PRTG: variants seen among roughly 807,000 people sequenced by gnomAD.
PRTG encodes the protein protogenin.
Under a neutral mutation model 122.5 loss-of-function variants are expected in PRTG, and 67 were observed. That is an observed-to-expected ratio of 0.55 (90% CI 0.45 to 0.67). The LOEUF is 0.67. Ranked by LOEUF, PRTG falls within the 30% of genes least tolerant of loss-of-function variation. The pLI, the probability that PRTG is intolerant of heterozygous loss-of-function variation, is 0.00. For synonymous variants in PRTG, 554 were observed against 501.1 expected, an observed-to-expected ratio of 1.11 and a Z score of -1.41; for missense variants, 1,435 against 1,415.4, an observed-to-expected ratio of 1.01 and a Z score of -0.22.
rs1434528701 is a variant in PRTG at position 55,622,476 on chromosome 15, C to T, written c.3094-1709G>A. Among the ~76,000 whole-genome samples, 3 of 151,092 alleles carry T rather than the reference C, an allele frequency of 2.0e-5. No homozygotes were observed. In the South Asian group the frequency reaches 6.3e-4, roughly 32 times the overall value. ...TCAGCTCACTGCAAGCTCTGCCTCC[C>T]GGGTTCACACCATTCTTCTGCCTCA... On this transcript the variant is annotated intron_variant, in intron 18 of 19. Transcript: ENST00000389286.
At chr15:55,725,553 G>GCTA (rs1218937865) in intron 2 of PRTG, among the ~76,000 whole-genome samples, 2 of 151,502 alleles carry the variant, frequency 1.3e-5, no homozygotes, top group Non-Finnish European at 2.9e-5. Flanking sequence ...CCGTGATCGT[G>GCTA]CTACTGCCCT....
intron 2 of PRTG, among the ~76,000 whole-genome samples, chr15:55,725,723 T>C (rs2031006405): frequency 6.6e-6 from 1 of 152,116 alleles, no homozygotes; most frequent in Non-Finnish European, 1.5e-5. Flanking sequence ...GTTGACAAAA[T>C]GGATTTTTAA....
Position 55,683,026 on chromosome 15 carries a change from T to C in PRTG, c.543-529A>G, listed in dbSNP as rs866132871. Among the ~76,000 whole-genome samples the C allele has an allele frequency of 3.9e-5, 6 of 152,338 alleles. No individual in the cohort carries two copies. The South Asian group carries it at 8.3e-4, about 21-fold the overall frequency. ...AAAACATAAACAATCCAGCATGATA[T>C]GGTTTGTGCAATCTATCAGTCGAAT... On this transcript the variant is annotated intron_variant, in intron 3 of 19. Coordinates refer to ENST00000389286, the MANE Select transcript of PRTG (RefSeq NM_173814.6).
intron 2 of PRTG, among the ~76,000 whole-genome samples, chr15:55,688,263 T>C (rs1258332022): frequency 1.4e-4 from 21 of 152,192 alleles, no homozygotes; most frequent in Non-Finnish European, 3.1e-4. Context: ...TCTATGATAC[T>C]ACATGCTCCT....
chr15:55,706,720 C>T (rs2030139497), intron 2 of PRTG, among the ~76,000 whole-genome samples: 1 of 151,852 alleles, frequency 6.6e-6, no homozygotes, highest in Non-Finnish European at 1.5e-5. Context: ...GAGCCATGCA[C>T]ATGCCACTGC....
At chr15:55,726,577 A>G (rs1256205818) in intron 2 of PRTG, among the ~76,000 whole-genome samples, 5 of 151,318 alleles carry the variant, frequency 3.3e-5, no homozygotes, top group African/African-American at 1.2e-4. Flanking sequence ...GGTTACAGTG[A>G]GCCGAGGCTA....
At chr15:55,676,145 G>A (rs1263807380) in intron 8 of PRTG, among the ~76,000 whole-genome samples, 3 of 152,050 alleles carry the variant, frequency 2.0e-5, no homozygotes, top group Non-Finnish European at 4.4e-5. Context: ...TCCTGCGAAA[G>A]ATCTCATTTT....
chr15:55,639,292 AGAAAGACAACT>A (rs966942078), intron 13 of PRTG, among the ~76,000 whole-genome samples: 1 of 152,214 alleles, frequency 6.6e-6, no homozygotes, highest in Non-Finnish European at 1.5e-5. Context: ...ACCTAGAAAC[AGAAAGACAACT>A]GGCCCTACTT....
intron 17 of PRTG, among the ~76,000 whole-genome samples, chr15:55,625,430 T>C (rs984548365): frequency 6.6e-6 from 1 of 152,134 alleles, no homozygotes; most frequent in East Asian, 1.9e-4. Context: ...AGCAATCTTC[T>C]TGTAAACATG....
Position 55,680,061 on chromosome 15 carries a change from A to T in PRTG, c.966T>A (p.Thr322=). 1 of 1,613,272 alleles carries T rather than the reference A, an allele frequency of 6.2e-7. No homozygotes were observed. Among genetic ancestry groups the T allele is most frequent in the Non-Finnish European group, 8.5e-7 (1 of 1,179,334 alleles). ...RNFTVAMATL[T]VLAPPSFVEW... ...AGAATGAAAGGAACATACCTAATAC[A>T]GTTAAAGTTGCCATAGCAACTGTAA... Residue 322 remains threonine (T), a synonymous_variant, in exon 6 of 20, where the codon ACT becomes ACA. Coordinates refer to ENST00000389286, the MANE Select transcript of PRTG (RefSeq NM_173814.6).
chr15:55,643,901 C>A (rs147202314), intron 11 of PRTG, among the ~76,000 whole-genome samples: 34 of 150,894 alleles, frequency 2.3e-4, no homozygotes, highest in African/African-American at 7.8e-4. Context: ...TCTCACTCTG[C>A]TGCCCAGGCT....
intron 2 of PRTG, among the ~76,000 whole-genome samples, chr15:55,698,036 G>GA (rs998829528): frequency 2.0e-5 from 3 of 152,000 alleles, no homozygotes; most frequent in Non-Finnish European, 4.4e-5. Context: ...TGGTTCTGAG[G>GA]AATCAGTAAC....
intron 14 of PRTG, 24 bp downstream of exon 14, chr15:55,638,525 T>C (rs745994133): frequency 1.3e-6 from 2 of 1,567,798 alleles, no homozygotes; most frequent in Non-Finnish European, 1.7e-6. Context: ...AAAGATAAAA[T>C]CTATAGGGAG....
intron 6 of PRTG, 146 bp from the exon 7 acceptor site, chr15:55,679,591 T>C: frequency 1.7e-6 from 1 of 589,854 alleles, no homozygotes; most frequent in South Asian, 2.4e-5. Context: ...CATACATCTC[T>C]CCAGGTGCCT....
chr15:55,706,530 A>C (rs890894597), intron 2 of PRTG, among the ~76,000 whole-genome samples: 1 of 149,182 alleles, frequency 6.7e-6, no homozygotes, highest in South Asian at 2.1e-4. Context: ...GTATCATTCA[A>C]GGCCAGGAGT....
chr15:55,616,449 G>A lies in PRTG; in HGVS notation c.*3563C>T, dbSNP rs188302553. 1.3e-5 allele frequency: 2 copies of A among 152,240 alleles called. No homozygotes were observed. Among genetic ancestry groups the A allele is most frequent in the African/African-American group, 2.4e-5 (1 of 41,562 alleles). The allele number at this position is 152,240 out of a possible 1,614,324, so 9.4% of individuals were successfully genotyped here. The stretch of plus-strand genomic sequence containing the variant: ...GAAGAGAACTATACAGGCTAATTCA[G>A]AGGTACCATAATACTCTGCAACATA... On this transcript the variant is annotated 3_prime_UTR_variant, in exon 20 of 20. Coordinates refer to ENST00000389286, the MANE Select transcript of PRTG (RefSeq NM_173814.6).
intron 2 of PRTG, among the ~76,000 whole-genome samples, chr15:55,736,454 T>C (rs1207182819): frequency 2.0e-5 from 3 of 152,112 alleles, no homozygotes; most frequent in Non-Finnish European, 2.9e-5. Context: ...GACTTGGTAT[T>C]ATAATTTATG....
intron 11 of PRTG, among the ~76,000 whole-genome samples, chr15:55,671,557 C>T (rs1267307204): frequency 3.3e-5 from 5 of 152,052 alleles, no homozygotes; most frequent in Non-Finnish European, 7.4e-5. Flanking sequence ...CGTAGTGGCG[C>T]GATCTTCCTT....
chr15:55,638,294 T>C (rs1057314983), intron 14 of PRTG, among the ~76,000 whole-genome samples: 1 of 152,216 alleles, frequency 6.6e-6, no homozygotes, highest in Non-Finnish European at 1.5e-5. Context: ...GCACACCTGA[T>C]CTTTTTTTAA....
Sources: gnomAD v4.1 joint callset for allele counts (sites outside exome capture counted in the v4.1 genomes callset) on GRCh38, gnomAD v4.1.1 for gene constraint, MANE v1.5 for transcripts, NCBI Gene and HGNC (gene_info 2026-07-23, HGNC 2026-07-21) for gene names.